MACROD2: variants seen among roughly 807,000 people sequenced by gnomAD.
MACROD2 encodes the protein ADP-ribose glycohydrolase MACROD2.
MACROD2 carries 36 observed loss-of-function variants against 70.4 expected under a neutral mutation model. That is an observed-to-expected ratio of 0.51 (90% CI 0.39 to 0.68). The LOEUF (loss-of-function observed/expected upper bound fraction) is 0.68. Ranked by LOEUF, MACROD2 falls within the 30% of genes least tolerant of loss-of-function variation. MACROD2 has a pLI of 0.00. For missense variants in MACROD2, 496 were observed against 538.4 expected (o/e 0.92, Z 0.78); for synonymous variants, 172 against 178.8 (o/e 0.96, Z 0.30).
intron 6 of MACROD2, among the ~76,000 whole-genome samples, chr20:15,405,164 G>T (rs1009629925): frequency 6.6e-6 from 1 of 152,038 alleles, no homozygotes; most frequent in African/African-American, 2.4e-5. Context: ...TAATGGGTAT[G>T]GGGTTTCTTT....
intron 5 of MACROD2, among the ~76,000 whole-genome samples, chr20:15,182,760 A>G (rs781381316): frequency 3.3e-5 from 5 of 152,122 alleles, no homozygotes; most frequent in Non-Finnish European, 7.4e-5. Context: ...TTCACATAGC[A>G]TTTCTTTACT....
In MACROD2 at chr20:14,451,508, C is replaced by A. The variant is rs536778843; in HGVS notation, c.272-41971C>A. ...CCTCTGTGGGTCACTAGAGCTTAAT[C>A]CCACTGGGAACTCTGGGAGCAAATG... On this transcript the variant is annotated intron_variant, in intron 3 of 17. Coordinates refer to ENST00000684519, the MANE Select transcript of MACROD2 (RefSeq NM_001351661.2). Among the ~76,000 whole-genome samples the A allele has an allele frequency of 2.6e-5, 4 of 152,252 alleles. No individual in the cohort carries two copies. The South Asian group carries it at 8.3e-4, about 32-fold the overall frequency.
intron 4 of MACROD2, among the ~76,000 whole-genome samples, chr20:14,611,385 T>C (rs565922251): frequency 1.8e-4 from 27 of 151,910 alleles, no homozygotes; most frequent in South Asian, 6.2e-4. Flanking sequence ...AGTTTACTGG[T>C]TATTAAATTG....
chr20:15,000,857 G>C (rs1407000376), intron 5 of MACROD2, among the ~76,000 whole-genome samples: 1 of 152,056 alleles, frequency 6.6e-6, no homozygotes, highest in African/African-American at 2.4e-5. Flanking sequence ...CTAAAAGCTT[G>C]TGATATTTTA....
At chr20:14,994,504 A>G (rs1244316264) in intron 5 of MACROD2, among the ~76,000 whole-genome samples, 1 of 152,170 alleles carries the variant, frequency 6.6e-6, no homozygotes, top group Non-Finnish European at 1.5e-5. Context: ...TCCCCAGTCA[A>G]AAAGCAGAGC....
chr20:15,605,859 G>A (rs2048886429), intron 8 of MACROD2, among the ~76,000 whole-genome samples: 1 of 152,118 alleles, frequency 6.6e-6, no homozygotes, highest in South Asian at 2.1e-4. Flanking sequence ...GACCTTCCTT[G>A]TGTTGTTCAA....
intron 6 of MACROD2, among the ~76,000 whole-genome samples, chr20:15,262,690 C>T (rs2146048132): frequency 6.6e-6 from 1 of 152,182 alleles, no homozygotes; most frequent in Non-Finnish European, 1.5e-5. Flanking sequence ...CCCTTTTCTC[C>T]ACATCCTTTC....
At chr20:14,046,963 A>G (rs1433077593) in intron 2 of MACROD2, among the ~76,000 whole-genome samples, 1 of 152,072 alleles carries the variant, frequency 6.6e-6, no homozygotes, top group African/African-American at 2.4e-5. Context: ...CTATCTAAGG[A>G]TCTTGAACTA....
At chr20:15,407,146 A>G (rs1568783525) in intron 6 of MACROD2, among the ~76,000 whole-genome samples, 1 of 152,044 alleles carries the variant, frequency 6.6e-6, no homozygotes, top group Non-Finnish European at 1.5e-5. Context: ...GGGTGTTACT[A>G]CCCGGCTTTT....
chr20:14,602,415 G>A (rs1162234430), intron 4 of MACROD2, among the ~76,000 whole-genome samples: 1 of 152,234 alleles, frequency 6.6e-6, no homozygotes, highest in Admixed American at 6.5e-5. Context: ...CAATGACCCG[G>A]TGGGTCGGAA....
intron 8 of MACROD2, among the ~76,000 whole-genome samples, chr20:15,687,594 C>T (rs1183245383): frequency 1.3e-5 from 2 of 152,106 alleles, no homozygotes; most frequent in Non-Finnish European, 2.9e-5. Flanking sequence ...GATGAAGCCT[C>T]CTCAGGTTGG....
intron 6 of MACROD2, among the ~76,000 whole-genome samples, chr20:15,367,777 C>G: frequency 6.6e-6 from 1 of 152,014 alleles, no homozygotes; most frequent in Non-Finnish European, 1.5e-5. Context: ...GAAATTATGT[C>G]ATTTATTTGT....
intron 5 of MACROD2, among the ~76,000 whole-genome samples, chr20:15,096,580 T>G (rs1474650465): frequency 1.3e-5 from 2 of 150,756 alleles, no homozygotes; most frequent in African/African-American, 4.9e-5. Flanking sequence ...GGCGTGATCT[T>G]GGCTCAGTGC....
At chr20:15,493,759 G>A (rs2047260343) in intron 7 of MACROD2, among the ~76,000 whole-genome samples, 1 of 152,188 alleles carries the variant, frequency 6.6e-6, no homozygotes, top group South Asian at 2.1e-4. Flanking sequence ...ACCATTCTGG[G>A]TTTTCAATAA....
chr20:14,467,494 G>A (rs1488737596), intron 3 of MACROD2, among the ~76,000 whole-genome samples: 4 of 152,030 alleles, frequency 2.6e-5, no homozygotes, highest in African/African-American at 7.3e-5. Context: ...CGGGTGAGGC[G>A]ATGCCTCTCC....
chr20:14,870,183 A>G (rs2073472393), intron 5 of MACROD2, among the ~76,000 whole-genome samples: 3 of 152,188 alleles, frequency 2.0e-5, no homozygotes, highest in South Asian at 4.2e-4. Flanking sequence ...GCTCCCACTT[A>G]TAAGTGAGAA....
intron 4 of MACROD2, among the ~76,000 whole-genome samples, chr20:14,539,216 A>C (rs531513528): frequency 3.7e-4 from 57 of 152,306 alleles, no homozygotes; most frequent in African/African-American, 1.3e-3. Flanking sequence ...TTTTCTCCTC[A>C]AAATCTCATT....
chr20:15,709,087 A>G (rs2050584190), intron 8 of MACROD2, among the ~76,000 whole-genome samples: 1 of 152,114 alleles, frequency 6.6e-6, no homozygotes, highest in African/African-American at 2.4e-5. Flanking sequence ...GTGGATAGGT[A>G]TTACAGGGTT....
intron 3 of MACROD2, among the ~76,000 whole-genome samples, chr20:14,428,328 T>A (rs1252709231): frequency 1.3e-5 from 2 of 152,108 alleles, no homozygotes; most frequent in East Asian, 3.9e-4. Context: ...TTAATAAGAT[T>A]CACTTTATGA....
Sources: allele counts gnomAD v4.1 joint callset (sites outside exome capture counted in the v4.1 genomes callset), GRCh38; gene constraint gnomAD v4.1.1; transcripts MANE v1.5; gene names NCBI Gene and HGNC (gene_info 2026-07-23, HGNC 2026-07-21).